Variants in TRPM3 observed in about 807,000 individuals in gnomAD.
The protein encoded by TRPM3 is transient receptor potential cation channel subfamily M member 3.
A neutral mutation model predicts 181.2 loss-of-function variants in TRPM3; 77 were observed. That is an observed-to-expected ratio of 0.42 (90% CI 0.35 to 0.51). The LOEUF (loss-of-function observed/expected upper bound fraction) is 0.51, where lower values mean the gene tolerates loss of function less well. Among genes scored for constraint, TRPM3 ranks in the 20% least tolerant of loss-of-function variants. The pLI is 0.01. For missense variants in TRPM3, 1,759 were observed against 2,196.7 expected, an observed-to-expected ratio of 0.80 and a Z score of 3.98; for synonymous variants, 745 against 796.4, an observed-to-expected ratio of 0.94 and a Z score of 1.09.
At chr9:71,201,379 T>A (rs2078782897) in intron 1 of TRPM3, among the ~76,000 whole-genome samples, 1 of 152,150 alleles carries the variant, frequency 6.6e-6, no homozygotes, top group African/African-American at 2.4e-5. Flanking sequence ...GAGGAGTATC[T>A]TTGTGGTGTT....
chr9:70,769,442 G>C (rs553695559), intron 7 of TRPM3, among the ~76,000 whole-genome samples: 1 of 151,870 alleles, frequency 6.6e-6, no homozygotes, highest in Non-Finnish European at 1.5e-5. Flanking sequence ...GGTACACATG[G>C]AGGTTTGTTA....
At position 70,543,202 on chromosome 9, in the gene TRPM3, TTTAA is replaced by T. The variant is rs1028047133; in HGVS notation, c.3708-5801_3708-5798del. On this transcript the variant is annotated intron_variant, in intron 25 of 25. Transcript: ENST00000677713. ...ACATACTATTTTTTCTGACTTTTAT[TTTAA>T]TTAATTTTGTGGGTACATAGTAGGT... Among the ~76,000 whole-genome samples, 24 of 152,328 alleles carry T rather than the reference TTTAA, an allele frequency of 1.6e-4. 1 individual carries two copies. The highest frequency in any genetic ancestry group is 5.8e-4 in the African/African-American group (24 of 41,566).
At chr9:71,436,657 A>C (rs1330075773) in intron 1 of TRPM3, among the ~76,000 whole-genome samples, 1 of 152,130 alleles carries the variant, frequency 6.6e-6, no homozygotes, top group Non-Finnish European at 1.5e-5. Flanking sequence ...GTATGAAAAC[A>C]AACTAAGACA....
intron 1 of TRPM3, among the ~76,000 whole-genome samples, chr9:71,404,871 C>T (rs765099646): frequency 6.6e-6 from 1 of 152,184 alleles, no homozygotes; most frequent in Non-Finnish European, 1.5e-5. Flanking sequence ...GCCTGTTATA[C>T]TTCTGTCTCA....
intron 22 of TRPM3, among the ~76,000 whole-genome samples, chr9:70,562,946 C>T (rs969564494): frequency 6.6e-6 from 1 of 152,182 alleles, no homozygotes; most frequent in Non-Finnish European, 1.5e-5. Flanking sequence ...TGGATCCACA[C>T]TGCTTTGTCA....
At chr9:70,652,202 A>G (rs2059685474) in intron 9 of TRPM3, among the ~76,000 whole-genome samples, 1 of 152,186 alleles carries the variant, frequency 6.6e-6, no homozygotes, top group Admixed American at 6.5e-5. Flanking sequence ...AAAATCAGGT[A>G]GAAATCAGGT....
chr9:71,410,871 G>A (rs997863497), intron 1 of TRPM3, among the ~76,000 whole-genome samples: 16 of 152,074 alleles, frequency 1.1e-4, no homozygotes, highest in African/African-American at 3.4e-4. Context: ...CTGGCAAACC[G>A]AATCCAACAG....
intron 1 of TRPM3, among the ~76,000 whole-genome samples, chr9:71,278,404 G>A (rs2084391969): frequency 6.6e-6 from 1 of 152,124 alleles, no homozygotes; most frequent in Non-Finnish European, 1.5e-5. Context: ...GTTAGGGAAA[G>A]GTAAGAGCAC....
intron 2 of TRPM3, 125 bp downstream of exon 2, chr9:70,864,307 T>A: frequency 1.6e-6 from 1 of 614,356 alleles, no homozygotes. Context: ...CTCAAAGATG[T>A]CCAGAAACAA....
At chr9:71,334,815 A>T (rs891826400) in intron 1 of TRPM3, among the ~76,000 whole-genome samples, 1 of 152,098 alleles carries the variant, frequency 6.6e-6, no homozygotes, top group Non-Finnish European at 1.5e-5. Context: ...TTTTACAGTA[A>T]TGATGCTGGT....
intron 1 of TRPM3, among the ~76,000 whole-genome samples, chr9:70,887,969 T>C (rs1355250304): frequency 6.6e-6 from 1 of 152,228 alleles, no homozygotes; most frequent in African/African-American, 2.4e-5. Context: ...ACCAGAATGA[T>C]GAGTTGTTGT....
chr9:70,896,210 A>G (rs1029867093), intron 1 of TRPM3, among the ~76,000 whole-genome samples: 2 of 152,162 alleles, frequency 1.3e-5, no homozygotes, highest in African/African-American at 2.4e-5. Flanking sequence ...GTTGTTATTT[A>G]TTATATGTTG....
At chr9:70,572,113 C>CG (rs1427591893) in intron 22 of TRPM3, among the ~76,000 whole-genome samples, 12 of 106,260 alleles carry the variant, frequency 1.1e-4, no homozygotes, top group Middle Eastern at 5.2e-3. Flanking sequence ...TTCCCAGTTA[C>CG]TTGTGTGTGT....
At chr9:70,924,567 A>C (rs2096700541) in intron 1 of TRPM3, among the ~76,000 whole-genome samples, 1 of 152,174 alleles carries the variant, frequency 6.6e-6, no homozygotes, top group African/African-American at 2.4e-5. Flanking sequence ...CTAGAAGTAC[A>C]ATGACTGAGT....
At chr9:70,555,682 C>T (rs1328542063) in intron 22 of TRPM3, among the ~76,000 whole-genome samples, 1 of 152,212 alleles carries the variant, frequency 6.6e-6, no homozygotes, top group Non-Finnish European at 1.5e-5. Flanking sequence ...ACTTCAGTGT[C>T]TCTGCTACCC....
At chr9:70,883,055 T>C (rs1466390039) in intron 1 of TRPM3, among the ~76,000 whole-genome samples, 1 of 152,166 alleles carries the variant, frequency 6.6e-6, no homozygotes, top group African/African-American at 2.4e-5. Flanking sequence ...GAAAATGATA[T>C]ATATGTAAGA....
At chr9:71,296,303 T>C (rs1433183743) in intron 1 of TRPM3, among the ~76,000 whole-genome samples, 1 of 152,162 alleles carries the variant, frequency 6.6e-6, no homozygotes, top group Admixed American at 6.5e-5. Context: ...TGCAGCTTCA[T>C]ATTCTGCTAG....
At chr9:71,356,974 C>A (rs1315604250) in intron 1 of TRPM3, among the ~76,000 whole-genome samples, 1 of 152,058 alleles carries the variant, frequency 6.6e-6, no homozygotes, top group Non-Finnish European at 1.5e-5. Context: ...AATTTGTTTG[C>A]AACATAGAAT....
At chr9:70,743,298 T>G (rs1482772939) in intron 8 of TRPM3, among the ~76,000 whole-genome samples, 1 of 152,200 alleles carries the variant, frequency 6.6e-6, no homozygotes, top group East Asian at 1.9e-4. Flanking sequence ...AATCTTCACC[T>G]TTTTGTCATA....
Sources: gnomAD v4.1 joint callset for allele counts (sites outside exome capture counted in the v4.1 genomes callset) on GRCh38, gnomAD v4.1.1 for gene constraint, MANE v1.5 for transcripts, NCBI Gene and HGNC (gene_info 2026-07-23, HGNC 2026-07-21) for gene names.